Variants in RASAL2 observed in about 807,000 individuals in gnomAD.
RASAL2 encodes ras GTPase-activating protein nGAP.
RASAL2 carries 58 observed loss-of-function variants against 128.9 expected under a neutral mutation model. The observed-to-expected ratio is 0.45, with a 90% confidence interval of 0.36 to 0.56. RASAL2 has a LOEUF of 0.56. RASAL2 is among the 20% of genes least tolerant of loss of function. The pLI, the probability that RASAL2 is intolerant of heterozygous loss-of-function variation, is 0.00. For synonymous variants in RASAL2, 561 were observed against 580.8 expected, an observed-to-expected ratio of 0.97 and a Z score of 0.49; for missense variants, 1,360 against 1,601.6, an observed-to-expected ratio of 0.85 and a Z score of 2.57.
At chr1:178,307,340 A>C (rs142676729) in intron 3 of RASAL2, among the ~76,000 whole-genome samples, 1 of 152,186 alleles carries the variant, frequency 6.6e-6, no homozygotes, top group African/African-American at 2.4e-5. Context: ...CATCATGTCT[A>C]AAGTACCCAC....
chr1:178,210,895 T>A (rs1663230340), intron 1 of RASAL2, among the ~76,000 whole-genome samples: 1 of 152,164 alleles, frequency 6.6e-6, no homozygotes, highest in South Asian at 2.1e-4. Flanking sequence ...ACTGGAGATT[T>A]TTGATGAACT....
intron 1 of RASAL2, among the ~76,000 whole-genome samples, chr1:178,174,125 C>A (rs888672445): frequency 3.3e-5 from 5 of 151,938 alleles, no homozygotes; most frequent in Non-Finnish European, 5.9e-5. Context: ...ATTTTGTCCC[C>A]TAATAATTTA....
intron 4 of RASAL2, among the ~76,000 whole-genome samples, chr1:178,408,619 G>GTTTGTTTTTTTTTTTTTTTTTTTT (rs1674146323): frequency 7.0e-6 from 1 of 143,252 alleles, no homozygotes; most frequent in African/African-American, 2.8e-5. Flanking sequence ...TTTGTTTTTT[G>GTTTGTTTTTTTTTTTTTTTTTTTT]TTTTTTGTTT....
At chr1:178,388,185 A>G (rs1553225446) in intron 3 of RASAL2, among the ~76,000 whole-genome samples, 1 of 152,012 alleles carries the variant, frequency 6.6e-6, no homozygotes, top group Non-Finnish European at 1.5e-5. Flanking sequence ...TTTTTTTTCT[A>G]CCTTCACCAG....
intron 1 of RASAL2, among the ~76,000 whole-genome samples, chr1:178,119,896 C>T (rs1434412746): frequency 6.6e-6 from 1 of 152,200 alleles, no homozygotes; most frequent in Non-Finnish European, 1.5e-5. Flanking sequence ...ACCCTTTGAA[C>T]TGCAGCCTCT....
At chr1:178,301,969 AC>A (rs1048452300) in intron 3 of RASAL2, among the ~76,000 whole-genome samples, 9 of 152,222 alleles carry the variant, frequency 5.9e-5, no homozygotes, top group African/African-American at 2.2e-4. Flanking sequence ...TTTGTGCTTA[AC>A]AAGAAGTCCA....
At chr1:178,236,997 C>A (rs1664280328) in intron 1 of RASAL2, among the ~76,000 whole-genome samples, 1 of 152,008 alleles carries the variant, frequency 6.6e-6, no homozygotes, top group African/African-American at 2.4e-5. Flanking sequence ...CTTCTGATCT[C>A]AGGTGATCCA....
chr1:178,257,204 A>G (rs112912864), intron 1 of RASAL2, among the ~76,000 whole-genome samples: 1 of 152,304 alleles, frequency 6.6e-6, no homozygotes, highest in African/African-American at 2.4e-5. Flanking sequence ...CAATACTCAC[A>G]AAATGGTCCA....
intron 1 of RASAL2, among the ~76,000 whole-genome samples, chr1:178,127,748 A>G (rs1286262183): frequency 6.6e-6 from 1 of 152,048 alleles, no homozygotes; most frequent in Non-Finnish European, 1.5e-5. Flanking sequence ...TAGACTTTTC[A>G]TACATGTGCT....
intron 1 of RASAL2, among the ~76,000 whole-genome samples, chr1:178,168,533 G>A (rs1282177010): frequency 1.3e-5 from 2 of 152,004 alleles, no homozygotes; most frequent in East Asian, 3.9e-4. Context: ...GCTGTTTTGA[G>A]TATGATATTC....
chr1:178,236,134 T>A (rs1664224315), intron 1 of RASAL2, among the ~76,000 whole-genome samples: 1 of 152,146 alleles, frequency 6.6e-6, no homozygotes, highest in South Asian at 2.1e-4. Flanking sequence ...CAGAAGATAG[T>A]CTCTTTTGTT....
intron 3 of RASAL2, among the ~76,000 whole-genome samples, chr1:178,369,700 A>G (rs1452542987): frequency 1.3e-5 from 2 of 152,334 alleles, no homozygotes; most frequent in East Asian, 3.9e-4. Flanking sequence ...TGAATCCTTA[A>G]ATCAGGATAT....
chr1:178,095,212 C>T lies in RASAL2; in HGVS notation c.202+518C>T, dbSNP rs555067774. On this transcript the variant is annotated intron_variant, in intron 1 of 17. Coordinates refer to ENST00000367649, the MANE Select transcript of RASAL2 (RefSeq NM_170692.4). ...CTCTCTCTAAAAGCAACCACTTATTCCAACGGGTGTGGATTGTTTCAGATT... is the reference window on the plus strand; with the variant it reads ...CTCTCTCTAAAAGCAACCACTTATTTCAACGGGTGTGGATTGTTTCAGATT... Among the ~76,000 whole-genome samples, 5 of 152,334 alleles carry T rather than the reference C, an allele frequency of 3.3e-5. No homozygotes were observed. The South Asian group carries it at 1.0e-3, about 32-fold the overall frequency.
At chr1:178,100,927 A>C (rs999141305) in intron 1 of RASAL2, among the ~76,000 whole-genome samples, 8 of 152,168 alleles carry the variant, frequency 5.3e-5, no homozygotes, top group African/African-American at 1.9e-4. Context: ...CAGGAGGAGG[A>C]GTTTGAAGTG....
At chr1:178,237,122 G>A (rs1664287818) in intron 1 of RASAL2, among the ~76,000 whole-genome samples, 1 of 152,000 alleles carries the variant, frequency 6.6e-6, no homozygotes, top group South Asian at 2.1e-4. Flanking sequence ...TCCTGCGAGG[G>A]AGTGTTATTC....
At chr1:178,250,508 G>C (rs575331029) in intron 1 of RASAL2, among the ~76,000 whole-genome samples, 66 of 152,228 alleles carry the variant, frequency 4.3e-4, no homozygotes, top group Non-Finnish European at 8.5e-4. Context: ...AGCTTGCTGA[G>C]CTGTTTGGGA....
intron 4 of RASAL2, among the ~76,000 whole-genome samples, chr1:178,409,950 C>G (rs770103065): frequency 2.6e-5 from 4 of 152,222 alleles, no homozygotes; most frequent in Non-Finnish European, 5.9e-5. Context: ...ATGTGGTCTT[C>G]CTAAAGAGCT....
intron 4 of RASAL2, among the ~76,000 whole-genome samples, chr1:178,417,065 G>A (rs538697052): frequency 6.6e-6 from 1 of 151,192 alleles, no homozygotes; most frequent in East Asian, 1.9e-4. Flanking sequence ...TTAATTTGGG[G>A]AAATTCTCAG....
At chr1:178,322,688 G>T (rs1032815729) in intron 3 of RASAL2, among the ~76,000 whole-genome samples, 13 of 151,954 alleles carry the variant, frequency 8.6e-5, no homozygotes, top group African/African-American at 2.9e-4. Flanking sequence ...TTATCCTTCT[G>T]TATTAACTCA....
Sources: gnomAD v4.1 joint callset for allele counts (sites outside exome capture counted in the v4.1 genomes callset) on GRCh38, gnomAD v4.1.1 for gene constraint, MANE v1.5 for transcripts, NCBI Gene and HGNC (gene_info 2026-07-23, HGNC 2026-07-21) for gene names.